Variants in ZFHX3 observed in about 807,000 individuals in gnomAD.
ZFHX3 encodes zinc finger homeobox 3, also known as zinc finger homeobox protein 3.
In ZFHX3, 42 loss-of-function variants were observed where a neutral mutation model predicts 279.1. The ratio of observed to expected loss-of-function variants is 0.15; its 90% CI spans 0.12 to 0.19. ZFHX3 has a LOEUF of 0.19. Ranked by LOEUF, ZFHX3 falls within the 10% of genes least tolerant of loss-of-function variation. The pLI, the probability that ZFHX3 is intolerant of heterozygous loss-of-function variation, is 1.00. For synonymous variants in ZFHX3, 2,293 were observed against 1,957.8 expected, an observed-to-expected ratio of 1.17 and a Z score of -4.52; for missense variants, 4,981 against 4,754.0, an observed-to-expected ratio of 1.05 and a Z score of -1.40.
chr16:72,916,503 C>T (rs933925254), intron 3 of ZFHX3, among the ~76,000 whole-genome samples: 14 of 152,184 alleles, frequency 9.2e-5, no homozygotes, highest in Non-Finnish European at 1.6e-4. Flanking sequence ...ATGCCTATCA[C>T]CCAACAAAGT....
intron 3 of ZFHX3, 119 bp downstream of exon 3, chr16:72,950,350 A>G: frequency 2.0e-6 from 3 of 1,477,636 alleles, no homozygotes; most frequent in East Asian, 2.3e-5. Flanking sequence ...GTTCCCAACC[A>G]ACAGCCAAGC....
At chr16:73,175,155 G>A (rs188420222) in intron 5 of ZFHX3, among the ~76,000 whole-genome samples, 106 of 152,130 alleles carry the variant, frequency 7.0e-4, no homozygotes, top group African/African-American at 2.4e-3. Context: ...TGAGGCGGGC[G>A]GATTACTTGA....
chr16:72,792,346 C>T (rs2035735776), intron 9 of ZFHX3, among the ~76,000 whole-genome samples: 2 of 152,170 alleles, frequency 1.3e-5, no homozygotes, highest in Non-Finnish European at 2.9e-5. Flanking sequence ...TACAAGATTC[C>T]TGGTCAGTGC....
intron 5 of ZFHX3, among the ~76,000 whole-genome samples, chr16:72,829,211 C>T (rs2037006803): frequency 6.7e-6 from 1 of 149,868 alleles, no homozygotes; most frequent in South Asian, 2.1e-4. Flanking sequence ...CAGGGACTCG[C>T]TATGTTGCCC....
intron 7 of ZFHX3, chr16:73,093,765 G>A (rs189105822): frequency 1.2e-4 from 34 of 272,622 alleles, no homozygotes; most frequent in Admixed American, 1.2e-3. Context: ...AAAGAAAAAC[G>A]CAACCTAAAT....
At chr16:72,980,884 ATTG>A (rs1962568675) in intron 1 of ZFHX3, among the ~76,000 whole-genome samples, 2 of 152,230 alleles carry the variant, frequency 1.3e-5, no homozygotes, top group East Asian at 3.8e-4. Context: ...CCAAAAGTTC[ATTG>A]TTAAGTCAAG....
At chr16:73,848,534 T>C (rs943299323) in intron 1 of ZFHX3, among the ~76,000 whole-genome samples, 4 of 152,208 alleles carry the variant, frequency 2.6e-5, no homozygotes, top group Non-Finnish European at 5.9e-5. Flanking sequence ...GGCCACATAA[T>C]CCAATGGATT....
intron 1 of ZFHX3, among the ~76,000 whole-genome samples, chr16:73,010,043 A>AAAAAAAAAAC (rs1963858694): frequency 2.7e-5 from 4 of 149,374 alleles, no homozygotes; most frequent in Admixed American, 6.7e-5. Flanking sequence ...AAAAAAAAAA[A>AAAAAAAAAAC]CTCATAAAGG....
At chr16:73,396,956 C>G (rs1355585049) in intron 3 of ZFHX3, among the ~76,000 whole-genome samples, 3 of 152,244 alleles carry the variant, frequency 2.0e-5, no homozygotes, top group Non-Finnish European at 4.4e-5. Context: ...CTTCTCCGCC[C>G]AGACCTTAAC....
intron 3 of ZFHX3, among the ~76,000 whole-genome samples, chr16:73,424,440 A>G (rs969655258): frequency 5.9e-5 from 9 of 152,102 alleles, no homozygotes; most frequent in Non-Finnish European, 4.4e-5. Flanking sequence ...CCTTCTGCAT[A>G]TGTACTCACA....
intron 4 of ZFHX3, among the ~76,000 whole-genome samples, chr16:72,872,787 T>G (rs1010049351): frequency 6.6e-6 from 1 of 152,126 alleles, no homozygotes; most frequent in Non-Finnish European, 1.5e-5. Context: ...ATCTATGATA[T>G]TCACACTCAC....
chr16:73,759,163 A>G (rs1318118191), intron 1 of ZFHX3, among the ~76,000 whole-genome samples: 4 of 152,210 alleles, frequency 2.6e-5, no homozygotes, highest in Non-Finnish European at 5.9e-5. Flanking sequence ...TCTCTCTTAC[A>G]TGAAAGTCTA....
chr16:72,817,759 T>A (rs1424037933), intron 5 of ZFHX3, among the ~76,000 whole-genome samples: 3 of 152,166 alleles, frequency 2.0e-5, no homozygotes, highest in Non-Finnish European at 2.9e-5. Context: ...GTGCTGATCC[T>A]CTTCCTTTTT....
rs564679848 is a variant in ZFHX3, at chr16:73,222,000, T to C, written c.-1104+35047A>G. Among the ~76,000 whole-genome samples the C allele has an allele frequency of 2.4e-4, 36 of 152,220 alleles. No homozygotes were observed. The East Asian group carries it at 6.9e-3, about 29-fold the overall frequency. On this transcript the variant is annotated intron_variant, in intron 5 of 17. Coordinates refer to the ZFHX3 transcript ENST00000641206. Reference sequence around the variant, plus strand: ...TTTAATACATTGTTGGACATTTAGGTTATTTAAAAATTTTCCCTATTATAC... The same window carrying C: ...TTTAATACATTGTTGGACATTTAGGCTATTTAAAAATTTTCCCTATTATAC...
chr16:73,724,668 G>A (rs929159754), intron 1 of ZFHX3, among the ~76,000 whole-genome samples: 1 of 152,196 alleles, frequency 6.6e-6, no homozygotes, highest in Admixed American at 6.5e-5. Context: ...CTGGAGAGAA[G>A]CTAGCCCCAA....
intron 3 of ZFHX3, among the ~76,000 whole-genome samples, chr16:72,936,443 T>G (rs1328130498): frequency 2.0e-5 from 3 of 152,232 alleles, no homozygotes; most frequent in Admixed American, 6.5e-5. Flanking sequence ...TCACTGTCAA[T>G]GCAGAGAAGT....
At chr16:73,369,623 A>C (rs1427687149) in intron 3 of ZFHX3, among the ~76,000 whole-genome samples, 1 of 152,194 alleles carries the variant, frequency 6.6e-6, no homozygotes, top group Non-Finnish European at 1.5e-5. Context: ...ACAGCATGCC[A>C]GTGCTTCTCA....
chr16:73,283,269 A>G (rs1431740330), intron 4 of ZFHX3, among the ~76,000 whole-genome samples: 2 of 152,194 alleles, frequency 1.3e-5, no homozygotes, highest in Non-Finnish European at 2.9e-5. Flanking sequence ...TTCTGAGGTC[A>G]TTGCGCTTAC....
chr16:73,107,474 A>C (rs1326390836), intron 7 of ZFHX3, among the ~76,000 whole-genome samples: 1 of 152,186 alleles, frequency 6.6e-6, no homozygotes, highest in East Asian at 1.9e-4. Context: ...CTTTCTTCTC[A>C]ACCGACAAAT....
Sources: allele counts gnomAD v4.1 joint callset (sites outside exome capture counted in the v4.1 genomes callset), GRCh38; gene constraint gnomAD v4.1.1; transcripts MANE v1.5; gene names NCBI Gene and HGNC (gene_info 2026-07-23, HGNC 2026-07-21).